The following CLDN14 variants were observed in gnomAD, a reference collection of about 807,000 sequenced individuals.
CLDN14 encodes claudin 14, also known as claudin-14.
Under a neutral mutation model 2.1 loss-of-function variants are expected in CLDN14, and 2 were observed. That is an observed-to-expected ratio of 0.96 (90% confidence interval 0.39 to 3.01). CLDN14 has a LOEUF of 3.01. Among genes scored for constraint, CLDN14 ranks in the 30% most tolerant of loss-of-function variants. The pLI is 0.09. For missense variants in CLDN14, 298 were observed against 328.0 expected, an observed-to-expected ratio of 0.91 and a Z score of 0.71; for synonymous variants, 136 against 154.4, an observed-to-expected ratio of 0.88 and a Z score of 0.88.
intron 1 of CLDN14, among the ~76,000 whole-genome samples, chr21:36,515,191 C>A (rs759968637): frequency 1.3e-5 from 2 of 152,158 alleles, no homozygotes; most frequent in African/African-American, 4.8e-5. Context: ...CATGGCCCAG[C>A]AATTCCGCTG....
At chr21:36,493,606 CGAG>C (rs1477009064) in intron 2 of CLDN14, among the ~76,000 whole-genome samples, 1 of 151,778 alleles carries the variant, frequency 6.6e-6, no homozygotes, top group Non-Finnish European at 1.5e-5. Context: ...TCCTGGGGCA[CGAG>C]GAGGAGGAGG....
chr21:36,543,047 C>T (rs2087502638), intron 1 of CLDN14, among the ~76,000 whole-genome samples: 1 of 152,198 alleles, frequency 6.6e-6, no homozygotes, highest in South Asian at 2.1e-4. Context: ...GGTCTCCCTT[C>T]CACCTGGCCG....
intron 1 of CLDN14, among the ~76,000 whole-genome samples, chr21:36,468,210 T>G (rs988430129): frequency 2.0e-5 from 3 of 152,218 alleles, no homozygotes; most frequent in African/African-American, 7.2e-5. Flanking sequence ...TCAGAAAATG[T>G]CTGGTTCAAA....
Position 36,551,273 on chromosome 21 carries a change from C to T in CLDN14, c.-220+25138G>A, listed in dbSNP as rs1724440429. Among the ~76,000 whole-genome samples, 1 of 152,238 alleles carries T rather than the reference C, an allele frequency of 6.6e-6. No individual in the cohort carries two copies. The highest frequency in any genetic ancestry group is 6.5e-5 in the Admixed American group (1 of 15,288). Reference sequence around the variant, plus strand: ...TGGCTTGGCCCCCTCCCCTTGGCCTCTGCGCTGGGAGGGAGGACCCCAGTG... The same window carrying T: ...TGGCTTGGCCCCCTCCCCTTGGCCTTTGCGCTGGGAGGGAGGACCCCAGTG... On this transcript the variant is annotated intron_variant, in intron 1 of 2. Coordinates refer to the CLDN14 transcript ENST00000342108. The surrounding 1 kb of genome is among the most constrained non-coding windows in gnomAD (Gnocchi z 4.8).
rs140037126 is a variant in CLDN14, at chr21:36,539,225, A to G, written c.-219-28725T>C. ...GAATATAAGTTTGTGAACAAATCAGATAAGATCCCCACACTCAAGGTGTTT... is the reference window on the plus strand; with the variant it reads ...GAATATAAGTTTGTGAACAAATCAGGTAAGATCCCCACACTCAAGGTGTTT... On this transcript the variant is annotated intron_variant, in intron 1 of 2. Transcript: ENST00000342108. Among the ~76,000 whole-genome samples the G allele has an allele frequency of 1.4e-3, 209 of 152,360 alleles. 1 individual carries two copies. Among genetic ancestry groups the G allele is most frequent in the African/African-American group, 4.5e-3 (188 of 41,582 alleles).
chr21:36,483,041 G>A (rs955135818), upstream of CLDN14, among the ~76,000 whole-genome samples: 3 of 152,184 alleles, frequency 2.0e-5, no homozygotes, highest in Non-Finnish European at 2.9e-5. Context: ...GAAGTCACCC[G>A]CCCAAGGTCA....
chr21:36,575,328 G>T (rs183094519), intron 1 of CLDN14, among the ~76,000 whole-genome samples: 33 of 152,256 alleles, frequency 2.2e-4, no homozygotes, highest in African/African-American at 7.5e-4. Context: ...TACATGCCAG[G>T]TTCTATCCTA....
At chr21:36,488,074 A>G (rs1326782030) in intron 2 of CLDN14, among the ~76,000 whole-genome samples, 1 of 152,248 alleles carries the variant, frequency 6.6e-6, no homozygotes. Context: ...TGAGAGACGA[A>G]TGGATAAACA....
At chr21:36,546,658 A>G (rs1238200541) in intron 1 of CLDN14, among the ~76,000 whole-genome samples, 1 of 152,224 alleles carries the variant, frequency 6.6e-6, no homozygotes, top group Non-Finnish European at 1.5e-5. Flanking sequence ...TATTACAAAA[A>G]ATTTCAAACA....
intron 1 of CLDN14, among the ~76,000 whole-genome samples, chr21:36,539,549 G>T (rs111213023): frequency 4.7e-5 from 7 of 148,664 alleles, no homozygotes; most frequent in Non-Finnish European, 9.0e-5. Context: ...AGTGTGTGTG[G>T]AGTGTGTGTG....
rs548442410 is a variant in CLDN14, at chr21:36,497,740, C to G, written c.-82+12623G>C. ...ACATCTGCCCCCTTCTGCCCCCGCC[C>G]AGGTCCCAACCACCTTGAGACACCT... On this transcript the variant is annotated intron_variant, in intron 2 of 2. Transcript: ENST00000342108. Among the ~76,000 whole-genome samples the G allele has an allele frequency of 4.6e-5, 7 of 152,236 alleles. No homozygotes were observed. The South Asian group carries it at 6.2e-4, about 14-fold the overall frequency.
At chr21:36,505,883 T>C (rs57280430) in intron 2 of CLDN14, among the ~76,000 whole-genome samples, 5,303 of 152,270 alleles carry the variant, frequency 0.035, 268 homozygotes, top group East Asian at 0.18. Flanking sequence ...TGGGTAACTG[T>C]GAGCTGGCTT....
intron 1 of CLDN14, among the ~76,000 whole-genome samples, chr21:36,570,164 G>C (rs1004361724): frequency 6.6e-6 from 1 of 152,212 alleles, no homozygotes; most frequent in African/African-American, 2.4e-5. Context: ...TTGGATGAAA[G>C]AGTTATTATT....
At chr21:36,485,571 G>A (rs982972541) in intron 2 of CLDN14, among the ~76,000 whole-genome samples, 1 of 152,212 alleles carries the variant, frequency 6.6e-6, no homozygotes, top group Non-Finnish European at 1.5e-5. Flanking sequence ...CCTGAGTACA[G>A]GTTAATCAAT....
At chr21:36,540,725 G>A (rs1306662657) in intron 1 of CLDN14, among the ~76,000 whole-genome samples, 1 of 152,198 alleles carries the variant, frequency 6.6e-6, no homozygotes, top group East Asian at 1.9e-4. Flanking sequence ...AATTCAGGGT[G>A]TGAGGAGAGG....
At chr21:36,534,187 C>T (rs2087405969) in intron 1 of CLDN14, among the ~76,000 whole-genome samples, 2 of 152,052 alleles carry the variant, frequency 1.3e-5, no homozygotes, top group Non-Finnish European at 1.5e-5. Context: ...CTGCAAACTC[C>T]GCCTCCCGGG....
chr21:36,522,545 C>T (rs994079460), intron 1 of CLDN14, among the ~76,000 whole-genome samples: 1 of 152,208 alleles, frequency 6.6e-6, no homozygotes, highest in African/African-American at 2.4e-5. Context: ...TTCATGAACC[C>T]CACACAACCC....
intron 1 of CLDN14, among the ~76,000 whole-genome samples, chr21:36,543,042 C>G (rs1177343815): frequency 6.6e-6 from 1 of 152,208 alleles, no homozygotes; most frequent in Middle Eastern, 3.2e-3. Context: ...ACAAGGGTCT[C>G]CCTTCCACCT....
chr21:36,495,081 A>G (rs983953548), intron 2 of CLDN14, among the ~76,000 whole-genome samples: 2 of 152,150 alleles, frequency 1.3e-5, no homozygotes, highest in African/African-American at 4.8e-5. Flanking sequence ...TAATCCCAGC[A>G]CTTTGGGAGG....
Sources: allele counts gnomAD v4.1 joint callset (sites outside exome capture counted in the v4.1 genomes callset), GRCh38; gene constraint gnomAD v4.1.1; non-coding constraint Gnocchi (gnomAD v3.1); transcripts MANE v1.5; gene names NCBI Gene and HGNC (gene_info 2026-07-23, HGNC 2026-07-21).